ALPK2: variants seen among roughly 807,000 people sequenced by gnomAD.
ALPK2 encodes alpha-protein kinase 2.
In ALPK2, 127 loss-of-function variants were observed where a neutral mutation model predicts 163.1. That is an observed-to-expected ratio of 0.78 (90% CI 0.67 to 0.90). The LOEUF (loss-of-function observed/expected upper bound fraction) is 0.90. ALPK2 is among the 40% of genes least tolerant of loss of function. ALPK2 has a pLI of 0.00. For synonymous variants in ALPK2, 953 were observed against 959.1 expected, an observed-to-expected ratio of 0.99 and a Z score of 0.12; for missense variants, 2,360 against 2,589.6, an observed-to-expected ratio of 0.91 and a Z score of 1.92.
chr18:58,578,743 C>CACACACACACACAA (rs34550557), intron 4 of ALPK2, 71 bp downstream of exon 4: 10 of 1,311,840 alleles, frequency 7.6e-6, no homozygotes, highest in African/African-American at 1.8e-5. Flanking sequence ...GACACACACA[C>CACACACACACACAA]ACACACACAC....
At chr18:58,614,383 T>C (rs2052152975) in intron 1 of ALPK2, among the ~76,000 whole-genome samples, 1 of 152,230 alleles carries the variant, frequency 6.6e-6, no homozygotes, top group East Asian at 1.9e-4. Context: ...TATTTTTGGT[T>C]ATAGAACTTC....
chr18:58,618,009 ATT>A lies in ALPK2; in HGVS notation c.-20-6194_-20-6193del, dbSNP rs1231281095. Among the ~76,000 whole-genome samples the A allele has an allele frequency of 3.3e-5, 5 of 152,326 alleles. No homozygotes were observed. In the East Asian group the frequency reaches 9.6e-4, roughly 29 times the overall value. Reference sequence around the variant, plus strand: ...TCTAGCCTAAATGCCAAGAAATAGAATTACCAGAGAGAAGACTGTTCACATAT... The same window carrying A: ...TCTAGCCTAAATGCCAAGAAATAGAAACCAGAGAGAAGACTGTTCACATAT... On this transcript the variant is annotated intron_variant, in intron 1 of 12. Transcript: ENST00000361673.
intron 12 of ALPK2, among the ~76,000 whole-genome samples, chr18:58,491,815 T>C (rs1272752026): frequency 1.3e-5 from 2 of 152,230 alleles, no homozygotes; most frequent in Admixed American, 6.5e-5. Flanking sequence ...GTGGGGCGGT[T>C]ACAGGAGCCT....
chr18:58,487,483 C>T (rs2051345594), intron 12 of ALPK2, among the ~76,000 whole-genome samples: 1 of 152,140 alleles, frequency 6.6e-6, no homozygotes, highest in South Asian at 2.1e-4. Flanking sequence ...CACTGTGAGG[C>T]TCTTGGTTTG....
chr18:58,482,415 G>A lies in ALPK2; in HGVS notation c.6297-376C>T, dbSNP rs144222817. On this transcript the variant is annotated intron_variant, in intron 12 of 12. Transcript: ENST00000361673. ...TGATCGAAAGCCACTCCATCACACC[G>A]AGAAGTTCTCAATAAAGAATTTCAG... 7.7e-4 allele frequency among the ~76,000 whole-genome samples: 117 copies of A among 152,152 alleles called. 2 individuals carry two copies. In the East Asian group the frequency reaches 0.02, roughly 26 times the overall value.
intron 3 of ALPK2, among the ~76,000 whole-genome samples, chr18:58,590,830 C>T (rs922063817): frequency 2.6e-5 from 4 of 152,148 alleles, no homozygotes; most frequent in East Asian, 1.9e-4. Flanking sequence ...CCTAAAGAGC[C>T]GAAACGGACC....
chr18:58,555,737 C>T (rs2144169929), intron 4 of ALPK2, among the ~76,000 whole-genome samples: 1 of 152,254 alleles, frequency 6.6e-6, no homozygotes, highest in East Asian at 1.9e-4. Context: ...GCTGGTGGCC[C>T]AACATGGTGA....
At chr18:58,555,198 C>A (rs530430514) in intron 4 of ALPK2, among the ~76,000 whole-genome samples, 7 of 152,308 alleles carry the variant, frequency 4.6e-5, no homozygotes, top group Admixed American at 6.5e-5. Flanking sequence ...TCGAGTTGTT[C>A]GAGTAACAAC....
At chr18:58,597,744 C>G (rs1011957667) in intron 3 of ALPK2, among the ~76,000 whole-genome samples, 1 of 152,164 alleles carries the variant, frequency 6.6e-6, no homozygotes, top group African/African-American at 2.4e-5. Context: ...TGAATTATGT[C>G]CCCCACCAAG....
chr18:58,522,558 G>A (rs1297196364), intron 8 of ALPK2, among the ~76,000 whole-genome samples: 1 of 152,230 alleles, frequency 6.6e-6, no homozygotes, highest in Non-Finnish European at 1.5e-5. Flanking sequence ...AAAGAAAGCA[G>A]AGAAACCCAT....
In ALPK2 at chr18:58,537,255, A is replaced by T; in HGVS notation, c.2932T>A (p.Tyr978Asn). Residue 978 changes from tyrosine (Y) to asparagine (N), a missense_variant, in exon 5 of 13, where the codon TAT becomes AAT. By Grantham distance (143) the Tyr-to-Asn change is moderately radical (BLOSUM62 -2). Coordinates refer to ENST00000361673, the MANE Select transcript of ALPK2 (RefSeq NM_052947.4). The part of the protein sequence containing the change: ...AADTTATPAS[Y>N]SSIVSFPWEK... The stretch of plus-strand genomic sequence containing the variant: ...CAAGGAAAACTCACAATTGAACTAT[A>T]ACTGGCTGGTGTGGCTGTGGTGTCT... 1 of 1,614,186 alleles carries T rather than the reference A, an allele frequency of 6.2e-7. No individual in the cohort carries two copies. Among genetic ancestry groups the T allele is most frequent in the Non-Finnish European group, 8.5e-7 (1 of 1,180,022 alleles).
At chr18:58,574,579 C>T (rs1473299033) in intron 4 of ALPK2, among the ~76,000 whole-genome samples, 1 of 151,940 alleles carries the variant, frequency 6.6e-6, no homozygotes, top group East Asian at 1.9e-4. Context: ...AGGACATGAA[C>T]CCAGTTGTGA....
At chr18:58,531,881 G>C (rs9957201) in intron 5 of ALPK2, among the ~76,000 whole-genome samples, 1 of 131,910 alleles carries the variant, frequency 7.6e-6, no homozygotes, top group Non-Finnish European at 1.6e-5. Flanking sequence ...AGGTTGTAGT[G>C]AGCCGAGATT....
chr18:58,566,074 C>G lies in ALPK2; in HGVS notation c.1962+12740G>C, dbSNP rs530064624. On this transcript the variant is annotated intron_variant, in intron 4 of 12. Coordinates refer to ENST00000361673, the MANE Select transcript of ALPK2 (RefSeq NM_052947.4). ...GGGATTATAGGCGTGAGCCACTGCA[C>G]CAGGCCTATTATTTTCCCAAGAAGA... Among the ~76,000 whole-genome samples, 5 of 152,280 alleles carry G rather than the reference C, an allele frequency of 3.3e-5. No homozygotes were observed. In the East Asian group the frequency reaches 9.6e-4, roughly 29 times the overall value.
chr18:58,550,835 C>G (rs1226114792), intron 4 of ALPK2, among the ~76,000 whole-genome samples: 1 of 149,872 alleles, frequency 6.7e-6, no homozygotes, highest in Non-Finnish European at 1.5e-5. Flanking sequence ...ATATACAACT[C>G]CATCCTCATC....
chr18:58,551,281 GCTGCA>G (rs2051758870), intron 4 of ALPK2, among the ~76,000 whole-genome samples: 2 of 152,290 alleles, frequency 1.3e-5, no homozygotes, highest in South Asian at 4.1e-4. Context: ...TGTCGCCAGG[GCTGCA>G]CTCCTCTGGA....
At chr18:58,561,975 C>G (rs2051827890) in intron 4 of ALPK2, among the ~76,000 whole-genome samples, 1 of 152,188 alleles carries the variant, frequency 6.6e-6, no homozygotes, top group Admixed American at 6.5e-5. Flanking sequence ...GGTTCTTTCC[C>G]CTGAGTTATT....
intron 3 of ALPK2, among the ~76,000 whole-genome samples, chr18:58,584,358 C>T (rs886958385): frequency 5.9e-5 from 9 of 152,164 alleles, no homozygotes; most frequent in Non-Finnish European, 1.3e-4. Flanking sequence ...CTGGGTGACT[C>T]CTACATTAAA....
intron 1 of ALPK2, among the ~76,000 whole-genome samples, chr18:58,620,207 C>G (rs2052191076): frequency 6.6e-6 from 1 of 152,186 alleles, no homozygotes; most frequent in Admixed American, 6.5e-5. Flanking sequence ...AAGATAATTT[C>G]TTGAACCCGG....
Sources: gnomAD v4.1 joint callset for allele counts (sites outside exome capture counted in the v4.1 genomes callset) on GRCh38, gnomAD v4.1.1 for gene constraint, MANE v1.5 for transcripts, NCBI Gene and HGNC (gene_info 2026-07-23, HGNC 2026-07-21) for gene names.